Variants in MGMT observed in about 807,000 individuals in gnomAD.
The protein encoded by MGMT is methylated-DNA--protein-cysteine methyltransferase.
Under a neutral mutation model 15.9 loss-of-function variants are expected in MGMT, and 14 were observed. That is an observed-to-expected ratio of 0.88 (90% CI 0.58 to 1.37). The LOEUF (loss-of-function observed/expected upper bound fraction) is 1.37. Among genes scored for constraint, MGMT ranks in the 40% most tolerant of loss-of-function variants. The pLI, the probability that MGMT is intolerant of heterozygous loss-of-function variation, is 0.00. For synonymous variants in MGMT, 130 were observed against 118.2 expected (o/e 1.10, Z -0.65); for missense variants, 282 against 268.1 (o/e 1.05, Z -0.36).
intron 3 of MGMT, among the ~76,000 whole-genome samples, chr10:129,746,378 T>C (rs1250553296): frequency 6.6e-6 from 1 of 151,862 alleles, no homozygotes; most frequent in Non-Finnish European, 1.5e-5. Context: ...AGGACATATC[T>C]AACAACTGTT....
At chr10:129,485,168 T>C (rs1031358133) in intron 1 of MGMT, among the ~76,000 whole-genome samples, 1 of 152,182 alleles carries the variant, frequency 6.6e-6, no homozygotes, top group African/African-American at 2.4e-5. Flanking sequence ...GAGTTCCTTC[T>C]CAAGCAGTGT....
chr10:129,531,785 T>TGGGGGGGGGGG (rs150290801), intron 1 of MGMT, among the ~76,000 whole-genome samples: 1 of 76,798 alleles, frequency 1.3e-5, no homozygotes, highest in African/African-American at 6.1e-5. Context: ...CTGGTGGGGG[T>TGGGGGGGGGGG]GGGGGGGGGT....
intron 4 of MGMT, among the ~76,000 whole-genome samples, chr10:129,761,148 T>G (rs1387019223): frequency 6.6e-6 from 1 of 152,154 alleles, no homozygotes; most frequent in Non-Finnish European, 1.5e-5. Context: ...TGTGGCTCCG[T>G]GTAGGGCCCA....
intron 1 of MGMT, among the ~76,000 whole-genome samples, chr10:129,506,950 T>TG (rs140861041): frequency 0.069 from 10,449 of 152,208 alleles, 1,197 homozygotes; most frequent in African/African-American, 0.24. Flanking sequence ...CCTGAGCCCA[T>TG]CTGAATAGGA....
At chr10:129,625,284 T>C (rs1564740843) in intron 2 of MGMT, among the ~76,000 whole-genome samples, 1 of 152,198 alleles carries the variant, frequency 6.6e-6, no homozygotes, top group Non-Finnish European at 1.5e-5. Flanking sequence ...TATCAAATAG[T>C]TAAGGAAGAA....
At chr10:129,660,052 T>A (rs1011367060) in intron 2 of MGMT, among the ~76,000 whole-genome samples, 2 of 152,176 alleles carry the variant, frequency 1.3e-5, no homozygotes, top group African/African-American at 4.8e-5. Flanking sequence ...GACATTTTGG[T>A]TTTTTACTGC....
At chr10:129,581,739 A>G (rs529410854) in intron 2 of MGMT, among the ~76,000 whole-genome samples, 16 of 152,304 alleles carry the variant, frequency 1.1e-4, no homozygotes, top group African/African-American at 3.6e-4. Flanking sequence ...CAGATAAGAA[A>G]GGTTTTGGTG....
At chr10:129,498,598 T>G (rs1462570246) in intron 1 of MGMT, among the ~76,000 whole-genome samples, 1 of 152,240 alleles carries the variant, frequency 6.6e-6, no homozygotes, top group African/African-American at 2.4e-5. Flanking sequence ...TTAATTTTGT[T>G]ACTCAAATAG....
intron 1 of MGMT, among the ~76,000 whole-genome samples, chr10:129,476,209 A>G (rs1249052450): frequency 3.3e-5 from 5 of 152,166 alleles, no homozygotes; most frequent in Non-Finnish European, 7.4e-5. Flanking sequence ...GAGTGTAATT[A>G]GAACATCTCC....
chr10:129,706,273 C>T (rs1848161000), intron 2 of MGMT, among the ~76,000 whole-genome samples: 1 of 152,242 alleles, frequency 6.6e-6, no homozygotes, highest in Non-Finnish European at 1.5e-5. Context: ...ACTGGCCGTG[C>T]ATACCTTGTG....
At chr10:129,646,745 TATATATATA>T (rs1564747255) in intron 2 of MGMT, among the ~76,000 whole-genome samples, 15 of 108,754 alleles carry the variant, frequency 1.4e-4, no homozygotes, top group South Asian at 8.5e-4. Context: ...TATATATATA[TATATATATA>T]TTTTCAGGGA....
At chr10:129,585,955 G>T (rs1379683126) in intron 2 of MGMT, among the ~76,000 whole-genome samples, 1 of 152,130 alleles carries the variant, frequency 6.6e-6, no homozygotes, top group Admixed American at 6.5e-5. Flanking sequence ...GCACTGCAAT[G>T]ACCTTGATAG....
intron 2 of MGMT, among the ~76,000 whole-genome samples, chr10:129,702,791 G>T (rs537880388): frequency 1.3e-5 from 2 of 152,356 alleles, no homozygotes; most frequent in South Asian, 2.1e-4. Flanking sequence ...TGGGTGAGTT[G>T]CAGGGCCCCT....
At chr10:129,498,240 A>G (rs1378211228) in intron 1 of MGMT, among the ~76,000 whole-genome samples, 1 of 152,220 alleles carries the variant, frequency 6.6e-6, no homozygotes, top group Non-Finnish European at 1.5e-5. Flanking sequence ...TAGCTTGGTC[A>G]CTGGGTATGG....
At chr10:129,505,181 G>A (rs1248918221) in intron 1 of MGMT, among the ~76,000 whole-genome samples, 1 of 152,080 alleles carries the variant, frequency 6.6e-6, no homozygotes, top group Non-Finnish European at 1.5e-5. Flanking sequence ...ATAATAAATG[G>A]AATTGAGAAA....
intron 3 of MGMT, among the ~76,000 whole-genome samples, chr10:129,714,117 C>T (rs540146607): frequency 3.5e-4 from 54 of 152,238 alleles, no homozygotes; most frequent in Non-Finnish European, 6.8e-4. Flanking sequence ...GCCCGCAGAG[C>T]CCCTAGGCGC....
intron 3 of MGMT, among the ~76,000 whole-genome samples, chr10:129,726,531 G>A (rs1848436502): frequency 6.6e-6 from 1 of 152,200 alleles, no homozygotes; most frequent in Admixed American, 6.5e-5. Flanking sequence ...CACCAGAAGG[G>A]AGCAGCCTCA....
chr10:129,480,171 C>G (rs1327590185), intron 1 of MGMT, among the ~76,000 whole-genome samples: 1 of 152,152 alleles, frequency 6.6e-6, no homozygotes, highest in African/African-American at 2.4e-5. Context: ...TGAAGCGCAT[C>G]AAGAGAATCT....
At chr10:129,568,131 T>C (rs1015551376) in intron 2 of MGMT, among the ~76,000 whole-genome samples, 1 of 152,256 alleles carries the variant, frequency 6.6e-6, no homozygotes, top group Non-Finnish European at 1.5e-5. Context: ...CCTGGCTGTT[T>C]TTATGTGCAG....
Sources: gnomAD v4.1 joint callset for allele counts (sites outside exome capture counted in the v4.1 genomes callset) on GRCh38, gnomAD v4.1.1 for gene constraint, MANE v1.5 for transcripts, NCBI Gene and HGNC (gene_info 2026-07-23, HGNC 2026-07-21) for gene names.